The following PDE4D variants were observed in gnomAD, a reference collection of about 807,000 sequenced individuals.
PDE4D encodes 3',5'-cyclic-AMP phosphodiesterase 4D.
In PDE4D, 24 loss-of-function variants were observed where a neutral mutation model predicts 87.4. The observed-to-expected ratio is 0.27, with a 90% CI of 0.20 to 0.39. The LOEUF (loss-of-function observed/expected upper bound fraction) is 0.39, where lower values mean the gene tolerates loss of function less well. Ranked by LOEUF, PDE4D falls within the 10% of genes least tolerant of loss-of-function variation. The pLI, the probability that PDE4D is intolerant of heterozygous loss-of-function variation, is 1.00. For missense variants in PDE4D, 714 were observed against 1,041.0 expected (o/e 0.69, Z 4.32); for synonymous variants, 384 against 383.2 (o/e 1.00, Z -0.02).
chr5:59,649,823 A>T (rs1358848210), intron 1 of PDE4D, among the ~76,000 whole-genome samples: 1 of 151,188 alleles, frequency 6.6e-6, no homozygotes, highest in Admixed American at 6.6e-5. Flanking sequence ...GTTCCATTCT[A>T]CATAAAATAA....
chr5:59,705,896 C>G (rs1753324916), intron 1 of PDE4D, among the ~76,000 whole-genome samples: 1 of 152,098 alleles, frequency 6.6e-6, no homozygotes, highest in African/African-American at 2.4e-5. Flanking sequence ...AAGGGCAGTG[C>G]TCTGGAGTTA....
At position 60,218,436 on chromosome 5, in the gene PDE4D, CA is replaced by C. The variant is rs570598625; in HGVS notation, c.-89-32750del. Among the ~76,000 whole-genome samples, 6 of 151,840 alleles carry C rather than the reference CA, an allele frequency of 4.0e-5. No homozygotes were observed. In the South Asian group the frequency reaches 1.3e-3, roughly 32 times the overall value. ...TTCAAGTGGTAGTTATACTAGTGTACACATATGTAAAAATTCATTGGGTTGT... is the reference window on the plus strand; with the variant it reads ...TTCAAGTGGTAGTTATACTAGTGTACCATATGTAAAAATTCATTGGGTTGT... On this transcript the variant is annotated intron_variant, in intron 1 of 16. Coordinates refer to the PDE4D transcript ENST00000502484.
chr5:59,664,046 C>T (rs1241793016), intron 1 of PDE4D, among the ~76,000 whole-genome samples: 2 of 152,142 alleles, frequency 1.3e-5, no homozygotes, highest in African/African-American at 4.8e-5. Context: ...TTCTGATTGG[C>T]TTTAGAAACA....
intron 1 of PDE4D, among the ~76,000 whole-genome samples, chr5:60,404,037 C>T (rs1309306954): frequency 3.3e-5 from 5 of 151,880 alleles, no homozygotes; most frequent in African/African-American, 7.3e-5. Flanking sequence ...TAAAACTGAG[C>T]GATTCTCCTC....
At chr5:59,930,645 A>G (rs1472674344) in intron 3 of PDE4D, among the ~76,000 whole-genome samples, 1 of 152,210 alleles carries the variant, frequency 6.6e-6, no homozygotes, top group Non-Finnish European at 1.5e-5. Context: ...TATAGAATCA[A>G]TCTTAAATGA....
intron 1 of PDE4D, among the ~76,000 whole-genome samples, chr5:59,404,037 C>T (rs528324389): frequency 6.6e-6 from 1 of 152,294 alleles, no homozygotes; most frequent in South Asian, 2.1e-4. Context: ...TTTTGATTTG[C>T]ATTTCCCTGA....
At position 60,040,727 on chromosome 5, in the gene PDE4D, T is replaced by A. The variant is rs1768379638; in HGVS notation, c.43-52010A>T. ...TGATACATTATAATATAATGAACTA[T>A]TTTTCTTTACTGCCTCTGTCCATTC... On this transcript the variant is annotated intron_variant, in intron 2 of 16. Transcript: ENST00000502484. Among the ~76,000 whole-genome samples, 3 of 152,202 alleles carry A rather than the reference T, an allele frequency of 2.0e-5. No individual in the cohort carries two copies. The South Asian group carries it at 6.2e-4, about 31-fold the overall frequency.
chr5:60,430,552 T>TG (rs529831763), intron 1 of PDE4D, among the ~76,000 whole-genome samples: 29,810 of 149,468 alleles, frequency 0.2, 3,261 homozygotes, highest in African/African-American at 0.28. Context: ...TTTGTTTGTT[T>TG]TTTTTTTTTA....
chr5:59,338,612 G>A (rs1050071843), intron 1 of PDE4D, among the ~76,000 whole-genome samples: 1 of 152,176 alleles, frequency 6.6e-6, no homozygotes, highest in Non-Finnish European at 1.5e-5. Flanking sequence ...TTCTTTCTGT[G>A]AGGAAGGCAG....
At chr5:59,508,768 A>C in intron 1 of PDE4D, among the ~76,000 whole-genome samples, 1 of 152,232 alleles carries the variant, frequency 6.6e-6, no homozygotes, top group Non-Finnish European at 1.5e-5. Context: ...AGAACTTCTA[A>C]AATTGAATGT....
At chr5:59,636,528 A>G (rs546506215) in intron 1 of PDE4D, among the ~76,000 whole-genome samples, 2 of 152,318 alleles carry the variant, frequency 1.3e-5, no homozygotes, top group East Asian at 3.9e-4. Flanking sequence ...AGTAACCACA[A>G]CAGCATGCTA....
intron 2 of PDE4D, among the ~76,000 whole-genome samples, chr5:60,170,563 G>A (rs1208834589): frequency 6.6e-6 from 1 of 151,894 alleles, no homozygotes; most frequent in African/African-American, 2.4e-5. Context: ...TGTTTTTTAA[G>A]AGGACTTTGT....
chr5:59,988,507 T>C, exon 3 of PDE4D: 1 of 1,597,796 alleles, frequency 6.3e-7, no homozygotes, highest in Non-Finnish European at 8.5e-7. Flanking sequence ...TCTGCAGAAG[T>C]GATAGCAATC....
chr5:60,123,564 G>A (rs912622356), intron 2 of PDE4D, among the ~76,000 whole-genome samples: 5 of 151,940 alleles, frequency 3.3e-5, no homozygotes, highest in African/African-American at 4.8e-5. Context: ...ATCTCCCACC[G>A]AGTCCCTCCC....
chr5:60,336,279 T>C (rs1186676698), intron 1 of PDE4D, among the ~76,000 whole-genome samples: 1 of 152,234 alleles, frequency 6.6e-6, no homozygotes, highest in African/African-American at 2.4e-5. Context: ...AGCCCTTTTG[T>C]TCCAATAATA....
chr5:59,907,065 A>G (rs370863138), intron 3 of PDE4D, among the ~76,000 whole-genome samples: 22 of 152,170 alleles, frequency 1.4e-4, no homozygotes, highest in African/African-American at 5.3e-4. Context: ...AGAATGAGAT[A>G]ATGTCACTGG....
chr5:59,424,945 C>T (rs531516327), intron 1 of PDE4D, among the ~76,000 whole-genome samples: 267 of 152,328 alleles, frequency 1.8e-3, no homozygotes, highest in African/African-American at 6.2e-3. Context: ...CTAGTATTTT[C>T]ACCACTACTT....
At chr5:60,317,304 G>C (rs112775296) in intron 1 of PDE4D, among the ~76,000 whole-genome samples, 13,391 of 152,080 alleles carry the variant, frequency 0.088, 1,926 homozygotes, top group African/African-American at 0.31. Context: ...TCTAACGGTA[G>C]TTTGTATTTC....
At chr5:59,215,586 TG>T in intron 2 of PDE4D, 190 bp downstream of exon 2, 1 of 554,782 alleles carries the variant, frequency 1.8e-6, no homozygotes, top group Non-Finnish European at 3.2e-6. Context: ...TGTGTGTGTG[TG>T]TTAATCAAGA....
Sources: allele counts gnomAD v4.1 joint callset (sites outside exome capture counted in the v4.1 genomes callset), GRCh38; gene constraint gnomAD v4.1.1; transcripts MANE v1.5; gene names NCBI Gene and HGNC (gene_info 2026-07-23, HGNC 2026-07-21).